Variants in PPARGC1A observed in about 807,000 individuals in gnomAD.
PPARGC1A encodes the protein PPARG coactivator 1 alpha, also known as peroxisome proliferator-activated receptor gamma coactivator 1-alpha.
PPARGC1A carries 25 observed loss-of-function variants against 88.7 expected under a neutral mutation model. That is an observed-to-expected ratio of 0.28 (90% CI 0.21 to 0.39). PPARGC1A has a LOEUF of 0.39. Among genes scored for constraint, PPARGC1A ranks in the 10% least tolerant of loss-of-function variants. PPARGC1A has a pLI of 1.00. For synonymous variants in PPARGC1A, 363 were observed against 355.6 expected (o/e 1.02, Z -0.24); for missense variants, 880 against 968.7 (o/e 0.91, Z 1.22).
the PPARGC1A span, among the ~76,000 whole-genome samples, chr4:24,177,669 T>G: frequency 2.6e-5 from 1 of 38,500 alleles, no homozygotes; most frequent in African/African-American, 1.0e-4. Flanking sequence ...ATAAATAAAA[T>G]TTTTAAAAAA....
At chr4:24,126,584 T>C in the PPARGC1A span, among the ~76,000 whole-genome samples, 1 of 152,108 alleles carries the variant, frequency 6.6e-6, no homozygotes, top group Non-Finnish European at 1.5e-5. Flanking sequence ...TTCCTGACCT[T>C]TTCCCCCTGC....
chr4:23,838,348 T>C (rs1464094641), intron 2 of PPARGC1A, among the ~76,000 whole-genome samples: 3 of 152,060 alleles, frequency 2.0e-5, no homozygotes, highest in African/African-American at 4.8e-5. Flanking sequence ...GACTCCCACA[T>C]GTAATGACTG....
At chr4:24,161,591 G>A in the PPARGC1A span, among the ~76,000 whole-genome samples, 1 of 152,112 alleles carries the variant, frequency 6.6e-6, no homozygotes, top group Non-Finnish European at 1.5e-5. Context: ...ACTAGAAAGG[G>A]GAATGGAGCC....
At chr4:24,322,106 C>T in the PPARGC1A span, among the ~76,000 whole-genome samples, 1 of 152,202 alleles carries the variant, frequency 6.6e-6, no homozygotes, top group Admixed American at 6.5e-5. Context: ...CTGTAGAATT[C>T]GTTACCCACC....
chr4:23,888,310 C>T (rs192048941), intron 1 of PPARGC1A, among the ~76,000 whole-genome samples: 41 of 152,316 alleles, frequency 2.7e-4, no homozygotes, highest in Admixed American at 2.4e-3. Context: ...ATTCTAAATG[C>T]TTCTGATGTT....
At chr4:24,215,987 T>G in the PPARGC1A span, among the ~76,000 whole-genome samples, 1 of 152,058 alleles carries the variant, frequency 6.6e-6, no homozygotes, top group South Asian at 2.1e-4. Context: ...TCATTTGACT[T>G]TTTTTCATCT....
At chr4:23,851,469 A>G (rs987373513) in intron 2 of PPARGC1A, among the ~76,000 whole-genome samples, 1 of 152,190 alleles carries the variant, frequency 6.6e-6, no homozygotes, top group African/African-American at 2.4e-5. Flanking sequence ...ATAGAGTATC[A>G]AAGGGTCACT....
chr4:24,470,279 C>CACAG, the PPARGC1A span, among the ~76,000 whole-genome samples: 8 of 85,494 alleles, frequency 9.4e-5, no homozygotes, highest in South Asian at 1.1e-3. This position sits in a 1 kb window ranked among gnomAD's most constrained non-coding sequence, Gnocchi z 5.8. Flanking sequence ...CAGACACAGA[C>CACAG]ACACACACAC....
At chr4:24,245,858 TTGC>T in the PPARGC1A span, among the ~76,000 whole-genome samples, 39,908 of 151,962 alleles carry the variant, frequency 0.26, 5,454 homozygotes, top group East Asian at 0.43. Flanking sequence ...CTTAATTAAA[TTGC>T]TGCTATTTGT....
At chr4:23,972,810 C>T in the PPARGC1A span, among the ~76,000 whole-genome samples, 5 of 152,088 alleles carry the variant, frequency 3.3e-5, no homozygotes, top group East Asian at 1.9e-4. Flanking sequence ...CATTAGAAAA[C>T]GGTAAGATAT....
At chr4:24,466,661 A>G in the PPARGC1A span, among the ~76,000 whole-genome samples, 1 of 152,134 alleles carries the variant, frequency 6.6e-6, no homozygotes, top group Admixed American at 6.6e-5. Flanking sequence ...GTTTACATAT[A>G]TTACAAAGAA....
chr4:24,447,058 G>C, the PPARGC1A span, among the ~76,000 whole-genome samples: 1 of 152,116 alleles, frequency 6.6e-6, no homozygotes, highest in East Asian at 1.9e-4. Context: ...CCTTGCTCCA[G>C]CCCTCCCTTA....
intron 12 of PPARGC1A, among the ~76,000 whole-genome samples, chr4:23,797,129 GT>G (rs1035380061): frequency 2.6e-5 from 4 of 151,838 alleles, no homozygotes; most frequent in African/African-American, 9.7e-5. Context: ...TCTTTACTGA[GT>G]TTTTTTCAGC....
the PPARGC1A span, among the ~76,000 whole-genome samples, chr4:24,071,257 TC>T: frequency 1.3e-5 from 2 of 152,110 alleles, no homozygotes; most frequent in Middle Eastern, 3.2e-3. Context: ...ATTTCCCCAA[TC>T]TTTATACTTT....
chr4:24,019,448 A>T, the PPARGC1A span, among the ~76,000 whole-genome samples: 32 of 152,304 alleles, frequency 2.1e-4, no homozygotes, highest in East Asian at 6.0e-3. Context: ...GATCTCCAAG[A>T]CCTGGCTGAA....
chr4:24,438,132 G>A, the PPARGC1A span, among the ~76,000 whole-genome samples: 44 of 152,300 alleles, frequency 2.9e-4, no homozygotes, highest in South Asian at 2.1e-4. Context: ...AAGATAACCT[G>A]ACTCAAGACC....
At chr4:24,042,621 T>A in the PPARGC1A span, among the ~76,000 whole-genome samples, 1 of 152,208 alleles carries the variant, frequency 6.6e-6, no homozygotes, top group African/African-American at 2.4e-5. Flanking sequence ...ACCACATAAA[T>A]GTCAACTGAA....
intron 8 of PPARGC1A, among the ~76,000 whole-genome samples, chr4:23,813,446 G>C (rs752627486): frequency 6.6e-5 from 10 of 152,154 alleles, no homozygotes; most frequent in Non-Finnish European, 1.5e-4. Context: ...GGATGAGCAA[G>C]TTTCTTAACA....
At chr4:23,929,055 A>G in the PPARGC1A span, among the ~76,000 whole-genome samples, 1 of 152,148 alleles carries the variant, frequency 6.6e-6, no homozygotes. Flanking sequence ...ATGGGTTGAT[A>G]GGTGCAGCAA....
Sources: gnomAD v4.1 joint callset for allele counts (sites outside exome capture counted in the v4.1 genomes callset) on GRCh38, gnomAD v4.1.1 for gene constraint, Gnocchi (gnomAD v3.1) non-coding constraint, MANE v1.5 for transcripts, NCBI Gene and HGNC (gene_info 2026-07-23, HGNC 2026-07-21) for gene names.